NTNG1: variants seen among roughly 807,000 people sequenced by gnomAD.
NTNG1 encodes netrin G1.
Under a neutral mutation model 54.0 loss-of-function variants are expected in NTNG1, and 16 were observed. The ratio of observed to expected loss-of-function variants is 0.30; its 90% CI spans 0.20 to 0.45. The LOEUF (loss-of-function observed/expected upper bound fraction) is 0.45. Among genes scored for constraint, NTNG1 ranks in the 20% least tolerant of loss-of-function variants. The probability of loss-of-function intolerance (pLI) is 1.00; values close to 1 mark genes in which losing one functional copy is unlikely to be tolerated. For synonymous variants in NTNG1, 255 were observed against 263.1 expected, an observed-to-expected ratio of 0.97 and a Z score of 0.30; for missense variants, 530 against 678.7, an observed-to-expected ratio of 0.78 and a Z score of 2.43.
At chr1:107,439,991 G>A (rs1675866557) in intron 7 of NTNG1, among the ~76,000 whole-genome samples, 1 of 151,694 alleles carries the variant, frequency 6.6e-6, no homozygotes, top group Non-Finnish European at 1.5e-5. Flanking sequence ...CACTTGCCCT[G>A]AGTGGAACCC....
intron 2 of NTNG1, among the ~76,000 whole-genome samples, chr1:107,156,433 C>A (rs1221878086): frequency 6.6e-6 from 1 of 151,996 alleles, no homozygotes; most frequent in African/African-American, 2.4e-5. Flanking sequence ...ATATGTTCAA[C>A]ACAGCATTAT....
intron 2 of NTNG1, among the ~76,000 whole-genome samples, chr1:107,313,507 G>A (rs1490971814): frequency 1.3e-5 from 2 of 152,138 alleles, no homozygotes; most frequent in African/African-American, 2.4e-5. Context: ...TAGAGTCATC[G>A]AAGTGTAAGT....
At chr1:107,332,909 G>T (rs1032270333) in intron 3 of NTNG1, among the ~76,000 whole-genome samples, 2 of 151,944 alleles carry the variant, frequency 1.3e-5, no homozygotes, top group African/African-American at 2.4e-5. Context: ...TCTAAACAAG[G>T]TTAATCAATA....
At chr1:107,379,195 C>T (rs1211183407) in intron 3 of NTNG1, among the ~76,000 whole-genome samples, 1 of 152,148 alleles carries the variant, frequency 6.6e-6, no homozygotes, top group Non-Finnish European at 1.5e-5. Flanking sequence ...TCAGGCGGGT[C>T]CTCAAATGAA....
chr1:107,352,375 G>C (rs1669672102), intron 3 of NTNG1, among the ~76,000 whole-genome samples: 1 of 151,996 alleles, frequency 6.6e-6, no homozygotes, highest in Non-Finnish European at 1.5e-5. Context: ...GGCTTTTCCT[G>C]GTGACAGGTG....
chr1:107,364,551 T>C (rs1670477068), intron 3 of NTNG1, among the ~76,000 whole-genome samples: 1 of 152,228 alleles, frequency 6.6e-6, no homozygotes, highest in African/African-American at 2.4e-5. Context: ...CACAAAGTGC[T>C]TCTGCAACCA....
At chr1:107,395,388 T>C in intron 4 of NTNG1, 62 bp downstream of exon 4, 2 of 1,450,120 alleles carry the variant, frequency 1.4e-6, no homozygotes, top group South Asian at 1.1e-5. Flanking sequence ...TTCCTCTCAA[T>C]TTTGCTTACA....
chr1:107,214,280 T>G (rs1659795880), intron 2 of NTNG1, among the ~76,000 whole-genome samples: 1 of 152,168 alleles, frequency 6.6e-6, no homozygotes. Context: ...TTCCCATACT[T>G]TCCCCCGAGT....
chr1:107,457,779 C>T (rs549179394), intron 7 of NTNG1, among the ~76,000 whole-genome samples: 1 of 152,088 alleles, frequency 6.6e-6, no homozygotes, highest in East Asian at 1.9e-4. Flanking sequence ...ATGTGTTTGC[C>T]TCCTAATGTA....
At chr1:107,347,560 G>T (rs1386256679) in intron 3 of NTNG1, among the ~76,000 whole-genome samples, 1 of 152,102 alleles carries the variant, frequency 6.6e-6, no homozygotes, top group African/African-American at 2.4e-5. Flanking sequence ...TCATGAGATT[G>T]TTGAGAGAAT....
intron 3 of NTNG1, among the ~76,000 whole-genome samples, chr1:107,362,275 A>G (rs965389627): frequency 6.6e-6 from 1 of 152,228 alleles, no homozygotes; most frequent in Admixed American, 6.5e-5. Context: ...AGGAATAACT[A>G]AAATGGTGGA....
intron 2 of NTNG1, among the ~76,000 whole-genome samples, chr1:107,289,108 A>C (rs993783136): frequency 2.0e-5 from 3 of 152,158 alleles, no homozygotes; most frequent in Non-Finnish European, 4.4e-5. Context: ...ACAGACCATC[A>C]GAAGTGCTGA....
At chr1:107,434,340 A>AT (rs1165072203) in intron 6 of NTNG1, among the ~76,000 whole-genome samples, 3 of 152,062 alleles carry the variant, frequency 2.0e-5, no homozygotes, top group African/African-American at 4.8e-5. Context: ...GAATTTGCCC[A>AT]TTTTTTCTAC....
At chr1:107,234,020 G>T (rs1412281206) in intron 2 of NTNG1, among the ~76,000 whole-genome samples, 1 of 152,144 alleles carries the variant, frequency 6.6e-6, no homozygotes, top group African/African-American at 2.4e-5. Flanking sequence ...CTGGAGATAG[G>T]CTTTTTAGTT....
chr1:107,321,999 A>G (rs1667686372), intron 2 of NTNG1, among the ~76,000 whole-genome samples: 2 of 152,170 alleles, frequency 1.3e-5, no homozygotes, highest in South Asian at 4.1e-4. Flanking sequence ...TACCCAGGAA[A>G]ATGTACGTAG....
chr1:107,253,567 T>G (rs569680999), intron 2 of NTNG1, among the ~76,000 whole-genome samples: 1 of 152,224 alleles, frequency 6.6e-6, no homozygotes, highest in South Asian at 2.1e-4. Context: ...TCATTTCATT[T>G]TCATTTGTTG....
intron 3 of NTNG1, among the ~76,000 whole-genome samples, chr1:107,382,866 A>G (rs879419430): frequency 5.2e-5 from 6 of 116,110 alleles, no homozygotes; most frequent in Non-Finnish European, 1.1e-4. Flanking sequence ...AAATAAGAGG[A>G]AAAAAAAAAA....
At chr1:107,440,681 T>A (rs1209017125) in intron 7 of NTNG1, among the ~76,000 whole-genome samples, 2 of 152,150 alleles carry the variant, frequency 1.3e-5, no homozygotes, top group African/African-American at 4.8e-5. Flanking sequence ...AATCAAACTG[T>A]TGACCTGGGG....
At chr1:107,159,324 C>T (rs752417879) in intron 2 of NTNG1, among the ~76,000 whole-genome samples, 5 of 152,096 alleles carry the variant, frequency 3.3e-5, no homozygotes, top group Non-Finnish European at 7.4e-5. Context: ...TTAGCCATCA[C>T]GGGAGACAGT....
Sources: allele counts gnomAD v4.1 joint callset (sites outside exome capture counted in the v4.1 genomes callset), GRCh38; gene constraint gnomAD v4.1.1; transcripts MANE v1.5; gene names NCBI Gene and HGNC (gene_info 2026-07-23, HGNC 2026-07-21).